The following NRG1 variants were observed in gnomAD, a reference collection of about 807,000 sequenced individuals.
The protein encoded by NRG1 is neuregulin 1.
In NRG1, 18 loss-of-function variants were observed where a neutral mutation model predicts 63.8. That is an observed-to-expected ratio of 0.28 (90% CI 0.19 to 0.42). The LOEUF is 0.42. Among genes scored for constraint, NRG1 ranks in the 10% least tolerant of loss-of-function variants. NRG1 has a pLI of 1.00. For missense variants in NRG1, 762 were observed against 814.7 expected (o/e 0.94, Z 0.79); for synonymous variants, 302 against 301.3 (o/e 1.00, Z -0.02).
At chr8:32,771,706 T>TAAAAAAG (rs1831807144), downstream of NRG1, among the ~76,000 whole-genome samples, 1 of 80,234 alleles carries the variant, frequency 1.2e-5, no homozygotes, top group Admixed American at 1.4e-4. Flanking sequence ...TCCATTTCTT[T>TAAAAAAG]AAAAAAAAAA....
At chr8:32,390,819 C>T (rs961683594) in intron 1 of NRG1, among the ~76,000 whole-genome samples, 1 of 151,850 alleles carries the variant, frequency 6.6e-6, no homozygotes, top group Non-Finnish European at 1.5e-5. Flanking sequence ...GTAGTACCAG[C>T]GTTCAGCACA....
chr8:31,772,493 C>A (rs1818720530), intron 1 of NRG1, among the ~76,000 whole-genome samples: 1 of 152,162 alleles, frequency 6.6e-6, no homozygotes, highest in African/African-American at 2.4e-5. Flanking sequence ...ATCCTTCCAT[C>A]TCCTAGTAGT....
chr8:31,883,123 TA>T (rs1231279993), intron 1 of NRG1, among the ~76,000 whole-genome samples: 1 of 151,960 alleles, frequency 6.6e-6, no homozygotes, highest in Non-Finnish European at 1.5e-5. Flanking sequence ...TTGTTGTCTT[TA>T]AAAAAACAAT....
chr8:32,297,592 A>T (rs1855045370), intron 1 of NRG1, among the ~76,000 whole-genome samples: 1 of 152,172 alleles, frequency 6.6e-6, no homozygotes, highest in African/African-American at 2.4e-5. Flanking sequence ...ATCTCTCAGG[A>T]AGAAGTCCTT....
Position 32,309,617 on chromosome 8 carries a change from C to A in NRG1, c.38-286211C>A, listed in dbSNP as rs558232015. On this transcript the variant is annotated intron_variant, in intron 1 of 10. Transcript: ENST00000519301. Reference sequence around the variant, plus strand: ...ATCACTGGCTCTCCTACAGTTATGCCCTATTGTTTTTTTTCTTTAAATACC... The same window carrying A: ...ATCACTGGCTCTCCTACAGTTATGCACTATTGTTTTTTTTCTTTAAATACC... Among the ~76,000 whole-genome samples the A allele has an allele frequency of 5.3e-5, 8 of 152,226 alleles. No homozygotes were observed. In the East Asian group the frequency reaches 1.5e-3, roughly 29 times the overall value.
At chr8:32,057,237 A>C (rs1823096347) in intron 1 of NRG1, among the ~76,000 whole-genome samples, 1 of 152,142 alleles carries the variant, frequency 6.6e-6, no homozygotes, top group Non-Finnish European at 1.5e-5. Context: ...TTTATATTTA[A>C]ATACTAAGAT....
At chr8:31,720,491 T>C (rs938535836) in intron 1 of NRG1, among the ~76,000 whole-genome samples, 3 of 152,104 alleles carry the variant, frequency 2.0e-5, no homozygotes, top group Admixed American at 2.0e-4. Context: ...CCCTCAACAG[T>C]GTGTGTTGTT....
intron 1 of NRG1, among the ~76,000 whole-genome samples, chr8:32,401,084 T>C (rs1372419226): frequency 6.6e-6 from 1 of 151,994 alleles, no homozygotes; most frequent in Non-Finnish European, 1.5e-5. Context: ...AAGTGGGAAC[T>C]AAACAATGAG....
intron 5 of NRG1, among the ~76,000 whole-genome samples, chr8:32,629,517 C>A (rs547673977): frequency 1.3e-5 from 2 of 152,174 alleles, no homozygotes; most frequent in Non-Finnish European, 2.9e-5. Context: ...TACACATTTA[C>A]AATGAAAAGA....
intron 1 of NRG1, among the ~76,000 whole-genome samples, chr8:31,677,328 T>G (rs559064591): frequency 2.0e-5 from 3 of 152,278 alleles, no homozygotes; most frequent in East Asian, 3.9e-4. Context: ...ATTTCAAGTG[T>G]TTTTTATCTA....
At chr8:32,066,045 C>T (rs1211659897) in intron 1 of NRG1, among the ~76,000 whole-genome samples, 2 of 152,112 alleles carry the variant, frequency 1.3e-5, no homozygotes, top group Non-Finnish European at 2.9e-5. Context: ...TTGTTTTTTT[C>T]TTGTAAATTT....
chr8:32,082,389 C>T (rs1827597442), intron 1 of NRG1, among the ~76,000 whole-genome samples: 2 of 151,964 alleles, frequency 1.3e-5, no homozygotes, highest in South Asian at 4.2e-4. Context: ...CTCAAGTAGG[C>T]CCCAGTGTCT....
chr8:32,458,377 T>G (rs1440276171), intron 1 of NRG1, among the ~76,000 whole-genome samples: 1 of 152,190 alleles, frequency 6.6e-6, no homozygotes, highest in Non-Finnish European at 1.5e-5. Flanking sequence ...GTTCTGGCCA[T>G]TTTTCTCTGG....
chr8:31,721,671 T>C (rs1476646568), intron 1 of NRG1, among the ~76,000 whole-genome samples: 1 of 152,166 alleles, frequency 6.6e-6, no homozygotes, highest in African/African-American at 2.4e-5. Flanking sequence ...CAAGCATTGA[T>C]TTTTTTCTTC....
chr8:31,739,597 A>G (rs188571139), intron 1 of NRG1, among the ~76,000 whole-genome samples: 1 of 152,126 alleles, frequency 6.6e-6, no homozygotes, highest in African/African-American at 2.4e-5. Flanking sequence ...TGTTGTGGAG[A>G]TTGTACAAGG....
At chr8:32,432,637 G>C (rs984158837) in intron 1 of NRG1, among the ~76,000 whole-genome samples, 1 of 152,106 alleles carries the variant, frequency 6.6e-6, no homozygotes, top group Non-Finnish European at 1.5e-5. Flanking sequence ...AGGCTCCAGA[G>C]TAGCTGGGAC....
chr8:31,926,744 T>A (rs1312904727), intron 1 of NRG1, among the ~76,000 whole-genome samples: 1 of 152,136 alleles, frequency 6.6e-6, no homozygotes, highest in African/African-American at 2.4e-5. Flanking sequence ...TTAGTTTTAG[T>A]AGGCTAAAGT....
chr8:32,366,673 GTGTGTATATATATATA>G (rs1467384712), intron 1 of NRG1, among the ~76,000 whole-genome samples: 47 of 42,968 alleles, frequency 1.1e-3, no homozygotes, highest in African/African-American at 3.9e-3. Flanking sequence ...GTGTGTGTGT[GTGTGTATATATATATA>G]TATATATATA....
chr8:32,366,287 C>T (rs1471749327), intron 1 of NRG1, among the ~76,000 whole-genome samples: 1 of 152,058 alleles, frequency 6.6e-6, no homozygotes, highest in Non-Finnish European at 1.5e-5. Flanking sequence ...AATACTAGAG[C>T]TTGTTCCTTC....
Sources: allele counts gnomAD v4.1 joint callset (sites outside exome capture counted in the v4.1 genomes callset), GRCh38; gene constraint gnomAD v4.1.1; transcripts MANE v1.5; gene names NCBI Gene and HGNC (gene_info 2026-07-23, HGNC 2026-07-21).